APOC1: variants seen among roughly 807,000 people sequenced by gnomAD.
APOC1 encodes the protein apolipoprotein C-I.
A neutral mutation model predicts 6.7 loss-of-function variants in APOC1; 4 were observed. The ratio of observed to expected loss-of-function variants is 0.60; its 90% CI spans 0.29 to 1.37. The LOEUF (loss-of-function observed/expected upper bound fraction) is 1.37, where lower values mean the gene tolerates loss of function less well. APOC1 is among the 40% of genes most tolerant of loss of function. APOC1 has a pLI of 0.09. For synonymous variants in APOC1, 33 were observed against 40.6 expected (o/e 0.81, Z 0.72); for missense variants, 122 against 99.4 (o/e 1.23, Z -0.97).
At chr19:44,915,315 CTT>C (rs898326230) in intron 2 of APOC1, 2,417 of 132,240 alleles carry the variant, frequency 0.018, 69 homozygotes, top group African/African-American at 0.066. Context: ...CCTCCCCATT[CTT>C]TTTTTTTTTT....
At chr19:44,918,980 A>G in intron 3 of APOC1, 193 bp from the exon 4 acceptor site, 2 of 658,188 alleles carry the variant, frequency 3.0e-6, no homozygotes, top group South Asian at 3.7e-5. Context: ...TTTAGACTTC[A>G]ACGTGCTTTG....
At chr19:44,915,205 G>T in intron 2 of APOC1, 1 of 548,026 alleles carries the variant, frequency 1.8e-6, no homozygotes, top group South Asian at 2.1e-5. Flanking sequence ...TGCTTCGACA[G>T]CCTTGAAAGT....
At position 44,914,687 on chromosome 19, in the gene APOC1, G is replaced by A; in HGVS notation, c.-67G>A. ...CCCTCCCCAGCCTGATAAAGGTCCTGCGGGCAGGACAGGACCTCCCAACCA... is the reference window on the plus strand; with the variant it reads ...CCCTCCCCAGCCTGATAAAGGTCCTACGGGCAGGACAGGACCTCCCAACCA... On this transcript the variant is annotated 5_prime_UTR_variant, in exon 1 of 4. Coordinates refer to ENST00000592535, the MANE Select transcript of APOC1 (RefSeq NM_001645.5). The A allele has an allele frequency of 1.7e-6, 1 of 579,234 alleles. No homozygotes were observed. Among genetic ancestry groups the A allele is most frequent in the Non-Finnish European group, 3.1e-6 (1 of 322,682 alleles). 35.9% of individuals were successfully genotyped at this position (579,234 alleles called of 1,614,324 possible). A position where few individuals can be genotyped will look rare whatever the true frequency, so the allele number is the denominator to read the frequency against.
At chr19:44,915,228 T>TG (rs925458665) in intron 2 of APOC1, 4 of 493,338 alleles carry the variant, frequency 8.1e-6, no homozygotes, top group Non-Finnish European at 1.5e-5. Flanking sequence ...GTAAGCTGGG[T>TG]GGGGGGCTCT....
intron 3 of APOC1, 186 bp downstream of exon 3, chr19:44,916,511 G>C: frequency 2.6e-6 from 2 of 761,764 alleles, no homozygotes; most frequent in Non-Finnish European, 4.1e-6. Context: ...CTCCCATCCA[G>C]GCCATATTTT....
chr19:44,915,618 C>T (rs879640555), intron 2 of APOC1, among the ~76,000 whole-genome samples: 35 of 151,736 alleles, frequency 2.3e-4, no homozygotes, highest in Admixed American at 1.2e-3. Flanking sequence ...ATTCTAACCA[C>T]ATGATCCCCA....
chr19:44,918,337 C>CTTTTTTTTTTTTTTTTTGTTT (rs1970043415), intron 3 of APOC1, among the ~76,000 whole-genome samples: 1 of 90,332 alleles, frequency 1.1e-5, no homozygotes, highest in Non-Finnish European at 2.0e-5. Flanking sequence ...TGAAGTGTTT[C>CTTTTTTTTTTTTTTTTTGTTT]TTTTTTTTTT....
At chr19:44,916,596 TTG>T in intron 3 of APOC1, 1 of 533,250 alleles carries the variant, frequency 1.9e-6, no homozygotes. Context: ...GGTGGGCTGA[TTG>T]CCTGAGGTCA....
intron 2 of APOC1, 94 bp downstream of exon 2, chr19:44,915,043 C>T (rs1275505031): frequency 1.1e-5 from 15 of 1,382,214 alleles, no homozygotes; most frequent in Non-Finnish European, 6.1e-6. Context: ...CCTCTGAGAG[C>T]TCCGGGGCCC....
intron 3 of APOC1, among the ~76,000 whole-genome samples, chr19:44,918,037 G>A (rs1321763549): frequency 6.6e-6 from 1 of 152,092 alleles, no homozygotes; most frequent in Non-Finnish European, 1.5e-5. Context: ...GTGGGAGGCT[G>A]AGCAGGCGGA....
intron 3 of APOC1, among the ~76,000 whole-genome samples, chr19:44,918,341 TTTTTTTTTTTTTTTTTTTCTTTTTAAA>T: frequency 1.3e-5 from 2 of 148,292 alleles, no homozygotes; most frequent in South Asian, 4.2e-4. Context: ...GTGTTTCTTT[TTTTTTTTTTTTTTTTTTTCTTTTTAAA>T]TTTTTTTTTT....
At position 44,915,117 on chromosome 19, in the gene APOC1, C is replaced by G. The variant is rs576548559; in HGVS notation, c.58+168C>G. On this transcript the variant is annotated intron_variant, in intron 2 of 3. Transcript: ENST00000592535. ...CTCCAGGTTCTCCCAGGCTCAGTCC[C>G]GCAGGCGCCAAATCTGCGCAGGAGA... is the stretch of plus-strand genomic sequence containing the variant. The G allele has an allele frequency of 1.8e-5, 12 of 679,842 alleles. No individual in the cohort carries two copies. In the East Asian group the frequency reaches 1.9e-4, roughly 11 times the overall value. The allele number at this position is 679,842 out of a possible 1,614,324, so 42.1% of individuals were successfully genotyped here.
intron 2 of APOC1, 98 bp downstream of exon 2, chr19:44,915,047 G>A: frequency 4.4e-6 from 6 of 1,376,670 alleles, no homozygotes; most frequent in East Asian, 2.4e-5. Context: ...TGAGAGCTCC[G>A]GGGCCCCTTC....
At chr19:44,914,570 G>A (rs1287648066), upstream of APOC1, 3 of 367,534 alleles carry the variant, frequency 8.2e-6, no homozygotes, top group Admixed American at 3.8e-5. Flanking sequence ...TCACGGGACA[G>A]GGGCAGAGGA....
intron 3 of APOC1, chr19:44,916,545 C>A: frequency 1.6e-6 from 1 of 619,170 alleles, no homozygotes; most frequent in Non-Finnish European, 2.6e-6. Context: ...GGGCTGGGCA[C>A]GGTGGCTCAT....
chr19:44,919,030 A>T lies in APOC1; in HGVS notation c.195-143A>T. The T allele has an allele frequency of 2.0e-5, 15 of 760,132 alleles. No homozygotes were observed. The South Asian group carries it at 2.4e-4, about 12-fold the overall frequency. 47.1% of individuals were successfully genotyped at this position (760,132 alleles called of 1,614,324 possible). On this transcript the variant is annotated intron_variant, in intron 3 of 3. Transcript: ENST00000592535. Reference sequence around the variant, plus strand: ...CTGAGGCACAGAAGTTGGCCCACCCAGCCCAGCGGTCCTCCTAATCCCACA... The same window carrying T: ...CTGAGGCACAGAAGTTGGCCCACCCTGCCCAGCGGTCCTCCTAATCCCACA...
chr19:44,918,535 T>G (rs761632555), intron 3 of APOC1, among the ~76,000 whole-genome samples: 4 of 151,326 alleles, frequency 2.6e-5, no homozygotes, highest in African/African-American at 9.7e-5. Context: ...TAATTTTTTG[T>G]ATTCTTAGTA....
At chr19:44,918,619 C>T (rs1331283341) in intron 3 of APOC1, among the ~76,000 whole-genome samples, 5 of 151,886 alleles carry the variant, frequency 3.3e-5, no homozygotes, top group Admixed American at 6.6e-5. Context: ...CCTGGTGATC[C>T]ACCCGCCTCG....
At chr19:44,918,750 C>CG in intron 3 of APOC1, 1 of 163,358 alleles carries the variant, frequency 6.1e-6, no homozygotes. Context: ...ACCTCCACCT[C>CG]CCGGGTTCAG....
Sources: gnomAD v4.1 joint callset for allele counts (sites outside exome capture counted in the v4.1 genomes callset) on GRCh38, gnomAD v4.1.1 for gene constraint, MANE v1.5 for transcripts, NCBI Gene and HGNC (gene_info 2026-07-23, HGNC 2026-07-21) for gene names.